LRP2: variants seen among roughly 807,000 people sequenced by gnomAD.
LRP2 encodes LDL receptor related protein 2, also known as low-density lipoprotein receptor-related protein 2.
A neutral mutation model predicts 531.0 loss-of-function variants in LRP2; 172 were observed. The ratio of observed to expected loss-of-function variants is 0.32; its 90% CI spans 0.29 to 0.37. The LOEUF is 0.37. Among genes scored for constraint, LRP2 ranks in the 10% least tolerant of loss-of-function variants. LRP2 has a pLI of 1.00. For synonymous variants in LRP2, 1,992 were observed against 2,027.6 expected (o/e 0.98, Z 0.47); for missense variants, 5,167 against 5,868.3 (o/e 0.88, Z 3.90).
At chr2:169,225,248 A>G in intron 33 of LRP2, 62 bp downstream of exon 33, 2 of 1,534,518 alleles carry the variant, frequency 1.3e-6, no homozygotes, top group South Asian at 1.1e-5. Flanking sequence ...TCTATTCCTG[A>G]GACTAGAGTT....
chr2:169,217,259 C>G (rs899933015), intron 34 of LRP2, among the ~76,000 whole-genome samples: 2 of 152,046 alleles, frequency 1.3e-5, no homozygotes, highest in Non-Finnish European at 2.9e-5. Context: ...CCTTAAACCC[C>G]TTCATTTAAA....
chr2:169,308,792 C>T (rs6433112), intron 3 of LRP2, among the ~76,000 whole-genome samples: 12,681 of 152,118 alleles, frequency 0.083, 1,660 homozygotes, highest in African/African-American at 0.28. Flanking sequence ...CTTGAGGAAT[C>T]GCCACACTGT....
At chr2:169,317,442 A>C (rs1462540683) in intron 3 of LRP2, among the ~76,000 whole-genome samples, 1 of 152,172 alleles carries the variant, frequency 6.6e-6, no homozygotes, top group Admixed American at 6.5e-5. Context: ...AAATTTTGAG[A>C]CTTGAGCAGC....
At chr2:169,285,193 G>A (rs1307194454) in intron 9 of LRP2, among the ~76,000 whole-genome samples, 2 of 151,342 alleles carry the variant, frequency 1.3e-5, no homozygotes, top group Non-Finnish European at 1.5e-5. Flanking sequence ...ATGGAGGCAC[G>A]TGCCTGTAGT....
At position 169,181,656 on chromosome 2, in the gene LRP2, A is replaced by G. The variant is rs771808628; in HGVS notation, c.9999-38T>C. On this transcript the variant is annotated intron_variant, in intron 51 of 78. Transcript: ENST00000649046. ...ACACAAAGGGTCAGTCCCTGATGCCAAAAGAAGTCAGTAGCCAAAATACAC... is the reference window on the plus strand; with the variant it reads ...ACACAAAGGGTCAGTCCCTGATGCCGAAAGAAGTCAGTAGCCAAAATACAC... The G allele has an allele frequency of 1.9e-6, 3 of 1,602,630 alleles. No homozygotes were observed. The Admixed American group carries it at 5.0e-5, about 27-fold the overall frequency.
At chr2:169,259,297 T>C (rs775874226) in intron 16 of LRP2, 80 bp from the exon 17 acceptor site, 16 of 965,572 alleles carry the variant, frequency 1.7e-5, no homozygotes, top group Non-Finnish European at 2.6e-5. Context: ...CACACTGAAA[T>C]TTTGTGTCAG....
At chr2:169,237,587 G>C (rs1356527405) in intron 27 of LRP2, among the ~76,000 whole-genome samples, 3 of 152,158 alleles carry the variant, frequency 2.0e-5, no homozygotes, top group African/African-American at 7.2e-5. Flanking sequence ...CATTTGCTTA[G>C]TTGGCAACAT....
chr2:169,145,680 A>C, intron 70 of LRP2, 67 bp downstream of exon 70: 1 of 1,469,126 alleles, frequency 6.8e-7, no homozygotes, highest in African/African-American at 1.4e-5. Context: ...TTCCAGCAAT[A>C]TAGCCATTAT....
chr2:169,309,994 G>A (rs1275694941), intron 3 of LRP2, among the ~76,000 whole-genome samples: 1 of 152,128 alleles, frequency 6.6e-6, no homozygotes, highest in Non-Finnish European at 1.5e-5. Flanking sequence ...AATTGTGAAT[G>A]GGAATTCACT....
Position 169,192,036 on chromosome 2 carries a change from G to A in LRP2, c.8831-3C>T. ...GGAATCCGAGCAGTTTTGATTCTCTGAAACCAAAGCACGCAAGAATCAGAA... is the reference window on the plus strand; with the variant it reads ...GGAATCCGAGCAGTTTTGATTCTCTAAAACCAAAGCACGCAAGAATCAGAA... On this transcript the variant is annotated splice_polypyrimidine_tract_variant and splice_region_variant and intron_variant, in intron 47 of 78. Transcript: ENST00000649046. 1 of 1,609,602 alleles carries A rather than the reference G, an allele frequency of 6.2e-7. No homozygotes were observed. Among genetic ancestry groups the A allele is most frequent in the Non-Finnish European group, 8.5e-7 (1 of 1,176,234 alleles).
chr2:169,210,668 T>C lies in LRP2; in HGVS notation c.6281-1027A>G, dbSNP rs537878046. Among the ~76,000 whole-genome samples, 273 of 152,290 alleles carry C rather than the reference T, an allele frequency of 1.8e-3. 2 individuals carry two copies. Among genetic ancestry groups the C allele is most frequent in the African/African-American group, 6.3e-3 (263 of 41,554 alleles). ...GCAACTACTCCAAACTGGAAGAAAC[T>C]AATGAGATATTCCCAGTGCAGTGCA... On this transcript the variant is annotated intron_variant, in intron 37 of 78. Transcript: ENST00000649046.
intron 33 of LRP2, 138 bp downstream of exon 33, chr2:169,225,172 T>C (rs1689155944): frequency 4.0e-6 from 3 of 758,050 alleles, no homozygotes; most frequent in East Asian, 2.8e-5. Context: ...GAGACTTTGA[T>C]AGTTAACACT....
chr2:169,348,688 C>A (rs1240144703), intron 1 of LRP2, among the ~76,000 whole-genome samples: 10 of 152,038 alleles, frequency 6.6e-5, no homozygotes, highest in Non-Finnish European at 1.3e-4. Context: ...GCAGAATGAC[C>A]CATTCTGTAT....
chr2:169,346,218 A>G (rs1574277756), intron 1 of LRP2, among the ~76,000 whole-genome samples: 1 of 152,236 alleles, frequency 6.6e-6, no homozygotes, highest in East Asian at 1.9e-4. Context: ...TCTTGGTGCC[A>G]TGTTCTCTCG....
At chr2:169,162,688 C>A in intron 62 of LRP2, 88 bp from the exon 63 acceptor site, 1 of 1,376,810 alleles carries the variant, frequency 7.3e-7, no homozygotes, top group Non-Finnish European at 1.0e-6. Flanking sequence ...TTGTGCTTAC[C>A]AAATAAACAA....
chr2:169,310,807 T>G (rs921505632), intron 3 of LRP2, among the ~76,000 whole-genome samples: 3 of 152,214 alleles, frequency 2.0e-5, no homozygotes, highest in Non-Finnish European at 4.4e-5. Flanking sequence ...TCTGGTAGAA[T>G]TCGGCTGTGA....
At chr2:169,224,507 T>C (rs1559026494) in intron 33 of LRP2, among the ~76,000 whole-genome samples, 1 of 152,220 alleles carries the variant, frequency 6.6e-6, no homozygotes. Flanking sequence ...GTTTCTACTT[T>C]CTGTTTTGCT....
At position 169,203,136 on chromosome 2, in the gene LRP2, C is replaced by A. The variant is rs73035704; in HGVS notation, c.8006-177G>T. Among the ~76,000 whole-genome samples the A allele has an allele frequency of 0.014, 2,049 of 150,120 alleles. 48 individuals are homozygous for A. Among genetic ancestry groups the A allele is most frequent in the African/African-American group, 0.046 (1,909 of 41,108 alleles). On this transcript the variant is annotated intron_variant, in intron 42 of 78. Transcript: ENST00000649046. ...TGAGTCACTTTTCCATCAAGAAGAG[C>A]AATCACCAATTTCTAATAAATGTGC...
At chr2:169,151,451 A>G (rs1193723693) in intron 67 of LRP2, among the ~76,000 whole-genome samples, 2 of 152,234 alleles carry the variant, frequency 1.3e-5, no homozygotes, top group East Asian at 3.9e-4. Context: ...ATGGGCTTCT[A>G]GGTAGAAGTC....
Sources: allele counts gnomAD v4.1 joint callset (sites outside exome capture counted in the v4.1 genomes callset), GRCh38; gene constraint gnomAD v4.1.1; transcripts MANE v1.5; gene names NCBI Gene and HGNC (gene_info 2026-07-23, HGNC 2026-07-21).